CASZ1: variants seen among roughly 807,000 people sequenced by gnomAD.
The protein encoded by CASZ1 is zinc finger protein castor homolog 1.
CASZ1 carries 28 observed loss-of-function variants against 135.2 expected under a neutral mutation model. The observed-to-expected ratio is 0.21, with a 90% CI of 0.15 to 0.28. The LOEUF is 0.28. Ranked by LOEUF, CASZ1 falls within the 10% of genes least tolerant of loss-of-function variation. The probability of loss-of-function intolerance (pLI) is 1.00; values close to 1 mark genes in which losing one functional copy is unlikely to be tolerated. For synonymous variants in CASZ1, 1,068 were observed against 1,073.4 expected, an observed-to-expected ratio of 0.99 and a Z score of 0.10; for missense variants, 2,161 against 2,453.3, an observed-to-expected ratio of 0.88 and a Z score of 2.52.
intron 2 of CASZ1, among the ~76,000 whole-genome samples, chr1:10,729,847 G>A (rs1000113153): frequency 6.6e-6 from 1 of 151,914 alleles, no homozygotes; most frequent in Non-Finnish European, 1.5e-5. Flanking sequence ...ATGGAGTCTC[G>A]CTCTGTCGCC....
intron 2 of CASZ1, among the ~76,000 whole-genome samples, chr1:10,746,308 G>A (rs1432947540): frequency 6.6e-6 from 1 of 152,168 alleles, no homozygotes; most frequent in East Asian, 1.9e-4. Context: ...TGAGAACTCG[G>A]CCAAAAAGAA....
intron 1 of CASZ1, among the ~76,000 whole-genome samples, chr1:10,765,500 C>A (rs564585170): frequency 3.3e-5 from 5 of 152,268 alleles, no homozygotes; most frequent in African/African-American, 1.2e-4. Context: ...TCTCACACGG[C>A]CCACGACGGG....
At chr1:10,723,062 C>T (rs1236634374) in intron 2 of CASZ1, among the ~76,000 whole-genome samples, 2 of 152,212 alleles carry the variant, frequency 1.3e-5, no homozygotes, top group Admixed American at 6.5e-5. Flanking sequence ...ACGGGAGGTG[C>T]GCATCATGGC....
chr1:10,761,745 G>A (rs936724007), intron 1 of CASZ1, among the ~76,000 whole-genome samples: 3 of 152,240 alleles, frequency 2.0e-5, no homozygotes, highest in Non-Finnish European at 4.4e-5. Flanking sequence ...GAGCTCATGC[G>A]CGTGCAAACA....
chr1:10,730,481 GGACATGGACCCGTGT>G (rs1236769170), intron 2 of CASZ1, among the ~76,000 whole-genome samples: 1 of 152,192 alleles, frequency 6.6e-6, no homozygotes, highest in African/African-American at 2.4e-5. Flanking sequence ...CCTGTCTGAA[GGACATGGACCCGTGT>G]GACTGAGCTG....
In CASZ1 at chr1:10,665,589, A is replaced by G. The variant is rs2100293571; in HGVS notation, c.17-18T>C. 6.5e-7 allele frequency: 1 copy of G among 1,536,758 alleles called. No individual in the cohort carries two copies. On this transcript the variant is annotated intron_variant, in intron 4 of 20. Transcript: ENST00000377022. ...GCCCTCAGCTGCAGGGATGGAGGAG[A>G]GCACGGAGGTCAGAGGCGTGCAAGG... is the stretch of plus-strand genomic sequence containing the variant.
chr1:10,636,939 T>C lies in CASZ1; in HGVS notation c.*2003A>G, dbSNP rs1311979986. 1 of 152,188 alleles carries C rather than the reference T, an allele frequency of 6.6e-6. No individual in the cohort carries two copies. The highest frequency in any genetic ancestry group is 1.5e-5 in the Non-Finnish European group (1 of 67,984). 9.4% of individuals were successfully genotyped at this position (152,188 alleles called of 1,614,324 possible). On this transcript the variant is annotated 3_prime_UTR_variant, in exon 21 of 21. Coordinates refer to ENST00000377022, the MANE Select transcript of CASZ1 (RefSeq NM_001079843.3). ...TGATATTTATATATATACACATACA[T>C]AGTTATAAAACATTAAAAAGAGCAT...
chr1:10,793,920 A>T (rs1256102109), intron 1 of CASZ1, among the ~76,000 whole-genome samples: 1 of 152,096 alleles, frequency 6.6e-6, no homozygotes, highest in Non-Finnish European at 1.5e-5. Flanking sequence ...GCGGCCGGAG[A>T]TTGCGCAGGT....
At chr1:10,736,773 A>G (rs1570540168) in intron 2 of CASZ1, among the ~76,000 whole-genome samples, 1 of 152,328 alleles carries the variant, frequency 6.6e-6, no homozygotes, top group South Asian at 2.1e-4. Flanking sequence ...TAGCGGACAC[A>G]GGGCCAGTTA....
chr1:10,637,719 GCAT>G lies in CASZ1; in HGVS notation c.*1220_*1222del, dbSNP rs1368655881. ...TCAGGCCCTGGCCCGGGCTTCGATG[GCAT>G]CATCATCTCCAGGAAGGGGGATGTT... On this transcript the variant is annotated 3_prime_UTR_variant, in exon 21 of 21. Transcript: ENST00000377022. 2 of 152,316 alleles carry G rather than the reference GCAT, an allele frequency of 1.3e-5. No individual in the cohort carries two copies. Among genetic ancestry groups the G allele is most frequent in the Non-Finnish European group, 2.9e-5 (2 of 68,008 alleles). 9.4% of individuals were successfully genotyped at this position (152,316 alleles called of 1,614,324 possible). A position where few individuals can be genotyped will look rare whatever the true frequency, so the allele number is the denominator to read the frequency against.
chr1:10,651,292 C>T (rs1642574471), intron 11 of CASZ1: 1 of 171,992 alleles, frequency 5.8e-6, no homozygotes, highest in South Asian at 2.0e-4. Flanking sequence ...GTTGTCCTGG[C>T]TCAGGGCCTC....
intron 4 of CASZ1, among the ~76,000 whole-genome samples, chr1:10,668,128 A>G (rs1461618122): frequency 6.6e-6 from 1 of 152,046 alleles, no homozygotes; most frequent in East Asian, 1.9e-4. Context: ...GGTAGGGCTT[A>G]GGTTTGTAAG....
At position 10,747,077 on chromosome 1, in the gene CASZ1, T is replaced by C. The variant is rs532850605; in HGVS notation, c.-77+13624A>G. ...AGTCCATGGAGTGACAAATGGCATG[T>C]GATGGCCACCCAGTTGGCAGTGCCA... is the stretch of plus-strand genomic sequence containing the variant. On this transcript the variant is annotated intron_variant, in intron 2 of 20. Transcript: ENST00000377022. This position sits in a 1 kb window ranked among gnomAD's most constrained non-coding sequence, Gnocchi z 4.3. 1.4e-4 allele frequency among the ~76,000 whole-genome samples: 21 copies of C among 152,330 alleles called. No homozygotes were observed. The South Asian group carries it at 4.1e-3, about 30-fold the overall frequency.
intron 4 of CASZ1, among the ~76,000 whole-genome samples, chr1:10,690,795 G>A (rs918185290): frequency 2.0e-5 from 3 of 152,226 alleles, no homozygotes; most frequent in Non-Finnish European, 4.4e-5. Flanking sequence ...TTTGTCTCAA[G>A]AAGAGAAGGG....
At chr1:10,655,614 T>G (rs1642759787) in intron 9 of CASZ1, 35 bp downstream of exon 9, 1 of 1,586,726 alleles carries the variant, frequency 6.3e-7, no homozygotes, top group East Asian at 2.3e-5. Flanking sequence ...GGGCCAGTCC[T>G]GCAGCTGCCC....
At chr1:10,649,224 C>T (rs1557463700) in intron 14 of CASZ1, 32 bp from the exon 15 acceptor site, 2 of 1,610,576 alleles carry the variant, frequency 1.2e-6, no homozygotes, top group South Asian at 2.2e-5. Context: ...AGAGGAGAGC[C>T]TGGGGCTCCA....
rs1304769411 is a variant in CASZ1 at position 10,725,010 on chromosome 1, G to C, written c.-76-19466C>G. The stretch of plus-strand genomic sequence containing the variant: ...ATCTGGGGGAATTCAGGAGTAATTG[G>C]GACCACATGTTGGCCGGGAGGGAGC... On this transcript the variant is annotated intron_variant, in intron 2 of 20. Coordinates refer to ENST00000377022, the MANE Select transcript of CASZ1 (RefSeq NM_001079843.3). This position sits in a 1 kb window ranked among gnomAD's most constrained non-coding sequence, Gnocchi z 4.4. 6.6e-6 allele frequency among the ~76,000 whole-genome samples: 1 copy of C among 152,198 alleles called. No homozygotes were observed. Among genetic ancestry groups the C allele is most frequent in the East Asian group, 1.9e-4 (1 of 5,194 alleles).
At chr1:10,734,530 C>T (rs1639760487) in intron 2 of CASZ1, among the ~76,000 whole-genome samples, 1 of 152,104 alleles carries the variant, frequency 6.6e-6, no homozygotes, top group Admixed American at 6.6e-5. Flanking sequence ...CTCGGAAAGC[C>T]TGAATGATTA....
chr1:10,648,295 A>C, intron 15 of CASZ1, 156 bp from the exon 16 acceptor site: 1 of 588,326 alleles, frequency 1.7e-6, no homozygotes, highest in Non-Finnish European at 2.9e-6. Context: ...ACCAGGACAG[A>C]AGGACTGGAG....
Sources: allele counts gnomAD v4.1 joint callset (sites outside exome capture counted in the v4.1 genomes callset), GRCh38; gene constraint gnomAD v4.1.1; non-coding constraint Gnocchi (gnomAD v3.1); transcripts MANE v1.5; gene names NCBI Gene and HGNC (gene_info 2026-07-23, HGNC 2026-07-21).